The following PDZRN3 variants were observed in gnomAD, a reference collection of about 807,000 sequenced individuals.
PDZRN3 encodes the protein PDZ domain containing ring finger 3.
A neutral mutation model predicts 85.7 loss-of-function variants in PDZRN3; 38 were observed. The observed-to-expected ratio is 0.44, with a 90% CI of 0.34 to 0.58. The LOEUF is 0.58. PDZRN3 is among the 20% of genes least tolerant of loss of function. The pLI is 0.01. For synonymous variants in PDZRN3, 759 were observed against 638.0 expected (o/e 1.19, Z -2.86); for missense variants, 1,629 against 1,506.4 (o/e 1.08, Z -1.35).
intron 3 of PDZRN3, among the ~76,000 whole-genome samples, chr3:73,504,703 T>A (rs1324167200): frequency 6.6e-6 from 1 of 152,168 alleles, no homozygotes; most frequent in Non-Finnish European, 1.5e-5. Flanking sequence ...ACTTAACACC[T>A]CCCTGCAACC....
At chr3:73,553,291 C>T (rs920799369) in intron 3 of PDZRN3, among the ~76,000 whole-genome samples, 5 of 151,920 alleles carry the variant, frequency 3.3e-5, no homozygotes, top group African/African-American at 7.2e-5. Context: ...GACCTATTAT[C>T]GGCCAGGTGT....
chr3:73,438,021 G>A (rs1255555962), intron 3 of PDZRN3, among the ~76,000 whole-genome samples: 2 of 152,218 alleles, frequency 1.3e-5, no homozygotes, highest in Non-Finnish European at 2.9e-5. Context: ...ATTGTTTGAT[G>A]AAGATGCTTA....
intron 3 of PDZRN3, among the ~76,000 whole-genome samples, chr3:73,526,551 G>T (rs1395239338): frequency 6.6e-6 from 1 of 152,162 alleles, no homozygotes; most frequent in East Asian, 1.9e-4. Context: ...ATATATCTAT[G>T]AAGAACAAAT....
chr3:73,539,777 G>A (rs1477519811), intron 3 of PDZRN3, among the ~76,000 whole-genome samples: 1 of 152,084 alleles, frequency 6.6e-6, no homozygotes, highest in Admixed American at 6.6e-5. Context: ...ATAGATAACT[G>A]AAACCAAGGG....
chr3:73,590,431 T>C (rs1162960140), intron 3 of PDZRN3, among the ~76,000 whole-genome samples: 1 of 152,174 alleles, frequency 6.6e-6, no homozygotes. Flanking sequence ...ACTTGGCACT[T>C]AGTGCCCTTC....
intron 3 of PDZRN3, among the ~76,000 whole-genome samples, chr3:73,489,483 G>A (rs1703727576): frequency 6.6e-6 from 1 of 151,344 alleles, no homozygotes; most frequent in Admixed American, 6.6e-5. Flanking sequence ...AAGATAGTGA[G>A]AAGTGAGAGG....
At chr3:73,590,160 T>C (rs779123931) in intron 3 of PDZRN3, among the ~76,000 whole-genome samples, 2 of 105,658 alleles carry the variant, frequency 1.9e-5, no homozygotes, top group African/African-American at 2.8e-5. Flanking sequence ...TCCCAGCTAC[T>C]TGGGGGGCTG....
intron 3 of PDZRN3, among the ~76,000 whole-genome samples, chr3:73,591,775 G>T (rs143093681): frequency 1.3e-5 from 2 of 152,160 alleles, no homozygotes; most frequent in African/African-American, 4.8e-5. Flanking sequence ...CATGAAGCTC[G>T]CAAATGATAG....
intron 3 of PDZRN3, among the ~76,000 whole-genome samples, chr3:73,476,818 G>A (rs571010624): frequency 4.6e-5 from 7 of 152,276 alleles, no homozygotes; most frequent in South Asian, 4.1e-4. Context: ...TGAGTGAGCC[G>A]TCATGGAAGC....
intron 3 of PDZRN3, among the ~76,000 whole-genome samples, chr3:73,450,923 T>C (rs1050211791): frequency 1.3e-5 from 2 of 151,814 alleles, no homozygotes; most frequent in Non-Finnish European, 2.9e-5. Context: ...ATATTTCTCA[T>C]GCTCTTTAAA....
At position 73,386,226 on chromosome 3, in the gene PDZRN3, CTTT is replaced by C. The variant is rs71126867; in HGVS notation, c.1519-444_1519-442del. Among the ~76,000 whole-genome samples, 341 of 90,704 alleles carry C rather than the reference CTTT, an allele frequency of 3.8e-3. 4 individuals are homozygous for C. The highest frequency in any genetic ancestry group is 0.013 in the African/African-American group (311 of 24,576). 59.5% of individuals were successfully genotyped at this position (90,704 alleles called of 152,430 possible). A position where few individuals can be genotyped will look rare whatever the true frequency, so the allele number is the denominator to read the frequency against. Reference sequence around the variant, plus strand: ...GCTGTTTGGCTTGGGCAAGATATCACTTTTTTTTTTTTTTTTTTTGAGACAGAA... The same window carrying C: ...GCTGTTTGGCTTGGGCAAGATATCACTTTTTTTTTTTTTTTTGAGACAGAA... On this transcript the variant is annotated intron_variant, in intron 8 of 9. Coordinates refer to ENST00000263666, the MANE Select transcript of PDZRN3 (RefSeq NM_015009.3).
chr3:73,600,223 AT>A (rs1702492776), intron 3 of PDZRN3, among the ~76,000 whole-genome samples: 1 of 151,870 alleles, frequency 6.6e-6, no homozygotes, highest in African/African-American at 2.4e-5. Flanking sequence ...TACGGTGAAG[AT>A]CTGGTGGTGG....
At chr3:73,528,641 T>C (rs2106748194) in intron 3 of PDZRN3, among the ~76,000 whole-genome samples, 1 of 152,240 alleles carries the variant, frequency 6.6e-6, no homozygotes. Flanking sequence ...TCAATTATAT[T>C]CACAGCCATG....
chr3:73,526,565 T>C (rs1704528528), intron 3 of PDZRN3, among the ~76,000 whole-genome samples: 1 of 152,224 alleles, frequency 6.6e-6, no homozygotes, highest in Non-Finnish European at 1.5e-5. Flanking sequence ...AACAAATCTG[T>C]AGCCATGAAA....
At chr3:73,499,685 G>T (rs944753479) in intron 3 of PDZRN3, among the ~76,000 whole-genome samples, 1 of 152,150 alleles carries the variant, frequency 6.6e-6, no homozygotes, top group Admixed American at 6.5e-5. Context: ...AAAGCCTGAG[G>T]TGGTGGTGGT....
At chr3:73,541,796 T>C (rs572428614) in intron 3 of PDZRN3, among the ~76,000 whole-genome samples, 52 of 152,334 alleles carry the variant, frequency 3.4e-4, no homozygotes, top group Non-Finnish European at 6.5e-4. Flanking sequence ...CTGTGGTGTT[T>C]AGCTCAATGT....
At chr3:73,466,423 C>T (rs993225367) in intron 3 of PDZRN3, among the ~76,000 whole-genome samples, 5 of 151,992 alleles carry the variant, frequency 3.3e-5, no homozygotes, top group Admixed American at 6.6e-5. Flanking sequence ...AAGACACTCA[C>T]GGTGGCTGTG....
intron 3 of PDZRN3, chr3:73,556,552 A>G (rs1411447921): frequency 6.6e-6 from 1 of 152,218 alleles, no homozygotes; most frequent in African/African-American, 2.4e-5. Flanking sequence ...TGCCAGGTAC[A>G]GGGCCTGGTG....
chr3:73,594,308 C>G (rs1702402708), intron 3 of PDZRN3, among the ~76,000 whole-genome samples: 1 of 152,124 alleles, frequency 6.6e-6, no homozygotes, highest in African/African-American at 2.4e-5. Context: ...CTCAATAATT[C>G]TATAGCAGCT....
Sources: allele counts gnomAD v4.1 joint callset (sites outside exome capture counted in the v4.1 genomes callset), GRCh38; gene constraint gnomAD v4.1.1; transcripts MANE v1.5; gene names NCBI Gene and HGNC (gene_info 2026-07-23, HGNC 2026-07-21).